Variants in SMYD3 observed in about 807,000 individuals in gnomAD.
SMYD3 encodes SET and MYND domain containing 3, also known as histone-lysine N-methyltransferase SMYD3.
A neutral mutation model predicts 57.7 loss-of-function variants in SMYD3; 36 were observed. That is an observed-to-expected ratio of 0.62 (90% confidence interval 0.48 to 0.82). SMYD3 has a LOEUF of 0.82. SMYD3 is among the 40% of genes least tolerant of loss of function. SMYD3 has a pLI of 0.00. For synonymous variants in SMYD3, 211 were observed against 195.0 expected (o/e 1.08, Z -0.68); for missense variants, 515 against 538.8 (o/e 0.96, Z 0.44).
intron 10 of SMYD3, among the ~76,000 whole-genome samples, chr1:245,767,170 G>A (rs1558315689): frequency 6.6e-6 from 1 of 152,164 alleles, no homozygotes; most frequent in South Asian, 2.1e-4. Flanking sequence ...TAGTAGTCTT[G>A]ACAGGACAAA....
At chr1:246,345,414 A>G (rs1179350337) in intron 2 of SMYD3, among the ~76,000 whole-genome samples, 2 of 152,140 alleles carry the variant, frequency 1.3e-5, no homozygotes, top group African/African-American at 2.4e-5. Flanking sequence ...ATACAGGTTG[A>G]GTATGCCTTA....
Position 245,811,051 on chromosome 1 carries a change from C to T in SMYD3, c.1077-46902G>A, listed in dbSNP as rs1473480785. ...CTTCCAATTCAACATGGCTTCTTGCCTCTGAAAGGAGAGCTAGTCCCTCCT... is the reference window on the plus strand; with the variant it reads ...CTTCCAATTCAACATGGCTTCTTGCTTCTGAAAGGAGAGCTAGTCCCTCCT... On this transcript the variant is annotated intron_variant, in intron 10 of 11. Coordinates refer to ENST00000490107, the MANE Select transcript of SMYD3 (RefSeq NM_001167740.2). Among the ~76,000 whole-genome samples the T allele has an allele frequency of 1.1e-4, 16 of 152,172 alleles. 1 individual carries two copies. The highest frequency in any genetic ancestry group is 1.0e-3 in the Admixed American group (16 of 15,278).
At chr1:245,926,175 C>G (rs1467179024) in intron 7 of SMYD3, among the ~76,000 whole-genome samples, 2 of 152,228 alleles carry the variant, frequency 1.3e-5, no homozygotes, top group Middle Eastern at 6.8e-3. Context: ...GATTACTTCC[C>G]AAAGACTCCA....
chr1:246,055,939 C>T (rs555829979), intron 5 of SMYD3, among the ~76,000 whole-genome samples: 2 of 152,106 alleles, frequency 1.3e-5, no homozygotes, highest in South Asian at 4.2e-4. Flanking sequence ...ACAGTGGTAA[C>T]GGGTGCAGAA....
At chr1:246,025,695 G>A (rs1323442501) in intron 5 of SMYD3, among the ~76,000 whole-genome samples, 1 of 152,136 alleles carries the variant, frequency 6.6e-6, no homozygotes, top group Non-Finnish European at 1.5e-5. Context: ...CTTGATGAAG[G>A]AAGTGAGCAT....
chr1:246,499,421 CACACAT>C (rs200285365), intron 1 of SMYD3, among the ~76,000 whole-genome samples: 5 of 136,908 alleles, frequency 3.7e-5, no homozygotes, highest in East Asian at 5.2e-4. Flanking sequence ...CACACACACA[CACACAT>C]ATATATATTT....
chr1:246,330,754 T>C (rs912100721), intron 3 of SMYD3, among the ~76,000 whole-genome samples: 2 of 152,172 alleles, frequency 1.3e-5, no homozygotes, highest in Non-Finnish European at 1.5e-5. Context: ...AATCTCCAAA[T>C]GCAAAACTCT....
intron 5 of SMYD3, among the ~76,000 whole-genome samples, chr1:246,319,092 G>A (rs899164306): frequency 6.6e-5 from 10 of 152,176 alleles, no homozygotes; most frequent in African/African-American, 2.4e-4. Context: ...GAGAATAATT[G>A]TCTCCTGAAT....
At chr1:246,437,893 T>A (rs1267719325) in intron 1 of SMYD3, among the ~76,000 whole-genome samples, 1 of 152,172 alleles carries the variant, frequency 6.6e-6, no homozygotes, top group Admixed American at 6.5e-5. Flanking sequence ...AAAAAACACA[T>A]AACAGCTGAC....
At chr1:245,816,511 T>A (rs1249339918) in intron 10 of SMYD3, among the ~76,000 whole-genome samples, 1 of 105,418 alleles carries the variant, frequency 9.5e-6, no homozygotes, top group South Asian at 3.9e-4. Context: ...GTCCCCTTCA[T>A]CTATGTAAAA....
chr1:246,205,751 C>T lies in SMYD3; in HGVS notation c.531+121450G>A, dbSNP rs868242177. ...AGGAGAATCGCTTGAACCCAGGAGGCGAGGTTGCATTGAGCTGAGATCGTG... is the reference window on the plus strand; with the variant it reads ...AGGAGAATCGCTTGAACCCAGGAGGTGAGGTTGCATTGAGCTGAGATCGTG... On this transcript the variant is annotated intron_variant, in intron 5 of 11. Transcript: ENST00000490107. 1.4e-4 allele frequency among the ~76,000 whole-genome samples: 21 copies of T among 151,928 alleles called. 1 individual carries two copies. The highest frequency in any genetic ancestry group is 3.4e-3 in the Middle Eastern group (1 of 292).
intron 5 of SMYD3, among the ~76,000 whole-genome samples, chr1:246,324,413 T>A (rs527581752): frequency 7.8e-5 from 7 of 89,418 alleles, no homozygotes; most frequent in South Asian, 7.4e-4. Flanking sequence ...GAAAACTCCA[T>A]CTCAAAAAAA....
intron 5 of SMYD3, among the ~76,000 whole-genome samples, chr1:246,134,044 C>T (rs1273120420): frequency 2.0e-5 from 3 of 152,036 alleles, no homozygotes; most frequent in African/African-American, 4.8e-5. Context: ...AAAGACAGCC[C>T]GGGGAAATGA....
chr1:246,258,238 T>C (rs2148515141), intron 5 of SMYD3, among the ~76,000 whole-genome samples: 1 of 152,290 alleles, frequency 6.6e-6, no homozygotes, highest in East Asian at 1.9e-4. Context: ...GGTTTTACCA[T>C]GTTGGTCAGG....
intron 10 of SMYD3, among the ~76,000 whole-genome samples, chr1:245,808,721 A>G (rs1381174921): frequency 1.3e-5 from 2 of 151,354 alleles, no homozygotes; most frequent in Non-Finnish European, 2.9e-5. Context: ...ATCCCAGGAC[A>G]GTGCTTTTTT....
chr1:246,369,958 A>T (rs2066167239), intron 1 of SMYD3, among the ~76,000 whole-genome samples: 1 of 152,160 alleles, frequency 6.6e-6, no homozygotes, highest in South Asian at 2.1e-4. Context: ...CTTCACTGGC[A>T]CCATACCTTC....
chr1:246,083,693 A>G (rs889291318), intron 5 of SMYD3, among the ~76,000 whole-genome samples: 9 of 152,180 alleles, frequency 5.9e-5, no homozygotes, highest in Non-Finnish European at 1.3e-4. Context: ...TTCCCTTCAC[A>G]CAGAATAAAA....
chr1:246,399,084 T>C (rs1006229366), intron 1 of SMYD3, among the ~76,000 whole-genome samples: 1 of 152,188 alleles, frequency 6.6e-6, no homozygotes, highest in Admixed American at 6.5e-5. Flanking sequence ...TGCAGTGGCA[T>C]GATCCTGGCT....
At position 246,355,447 on chromosome 1, in the gene SMYD3, G is replaced by A. The variant is rs1026324555; in HGVS notation, c.165-353C>T. ...ACCAGGTAAACTAAGAGAATCCACA[G>A]ACCCTCTGAAGGAACTGTATCGCCA... On this transcript the variant is annotated intron_variant, in intron 1 of 11. Coordinates refer to ENST00000490107, the MANE Select transcript of SMYD3 (RefSeq NM_001167740.2). This position sits in a 1 kb window ranked among gnomAD's most constrained non-coding sequence, Gnocchi z 5.0. The A allele has an allele frequency of 9.4e-6, 2 of 213,260 alleles. No individual in the cohort carries two copies. The highest frequency in any genetic ancestry group is 1.9e-5 in the Non-Finnish European group (2 of 106,246). The allele number at this position is 213,260 out of a possible 1,614,324, so 13.2% of individuals were successfully genotyped here.
Sources: allele counts gnomAD v4.1 joint callset (sites outside exome capture counted in the v4.1 genomes callset), GRCh38; gene constraint gnomAD v4.1.1; non-coding constraint Gnocchi (gnomAD v3.1); transcripts MANE v1.5; gene names NCBI Gene and HGNC (gene_info 2026-07-23, HGNC 2026-07-21).